SGCZ: variants seen among roughly 807,000 people sequenced by gnomAD.
The protein encoded by SGCZ is sarcoglycan zeta.
SGCZ carries 40 observed loss-of-function variants against 41.3 expected under a neutral mutation model. That is an observed-to-expected ratio of 0.97 (90% CI 0.75 to 1.26). The LOEUF (loss-of-function observed/expected upper bound fraction) is 1.26, where lower values mean the gene tolerates loss of function less well. SGCZ is among the 50% of genes most tolerant of loss of function. The pLI, the probability that SGCZ is intolerant of heterozygous loss-of-function variation, is 0.00. For synonymous variants in SGCZ, 206 were observed against 137.5 expected (o/e 1.50, Z -3.49); for missense variants, 552 against 369.8 (o/e 1.49, Z -4.04).
intron 1 of SGCZ, among the ~76,000 whole-genome samples, chr8:15,191,439 TTAGGAATGTTAAA>T (rs1274647494): frequency 1.3e-5 from 2 of 152,190 alleles, no homozygotes; most frequent in African/African-American, 4.8e-5. Flanking sequence ...AACTATAAAC[TTAGGAATGTTAAA>T]TAGTATTTAA....
Position 14,554,766 on chromosome 8 carries a change from G to T in SGCZ, c.200C>A (p.Thr67Lys). 1 of 1,612,798 alleles carries T rather than the reference G, an allele frequency of 6.2e-7. No individual in the cohort carries two copies. The highest frequency in any genetic ancestry group is 2.2e-5 in the East Asian group (1 of 44,792). ...ATTCATAACTTTCAATATCCATATT[G>T]TCATGGCTAAGTTAACTATCATGGT... ...LVTMIVNLAMTIWILKVMNFT... is the reference protein window; with the variant it reads ...LVTMIVNLAMKIWILKVMNFT... Residue 67 changes from threonine (T) to lysine (K), a missense_variant, in exon 2 of 8, where the codon ACA becomes AAA. By Grantham distance (78) the Thr-to-Lys change is moderately conservative (BLOSUM62 -1). Transcript: ENST00000382080.
intron 1 of SGCZ, among the ~76,000 whole-genome samples, chr8:15,018,476 T>G (rs1369659210): frequency 2.0e-5 from 3 of 152,158 alleles, no homozygotes; most frequent in Non-Finnish European, 4.4e-5. Flanking sequence ...GAGGAGGTGA[T>G]ATTTAAGCTG....
At chr8:14,219,234 T>C (rs1328393019) in intron 4 of SGCZ, among the ~76,000 whole-genome samples, 7 of 152,158 alleles carry the variant, frequency 4.6e-5, no homozygotes, top group African/African-American at 1.7e-4. Flanking sequence ...AGCCAAACTC[T>C]CACCACAAAA....
rs117086788 is a variant in SGCZ, at chr8:14,617,717, T to C, written c.40-62791A>G. On this transcript the variant is annotated intron_variant, in intron 1 of 7. Transcript: ENST00000382080. ...AGAGTAGTATTTAGCTAGACTGAAA[T>C]GCAAAGAGATAGGAAAACAATAGAC... 1.8e-4 allele frequency among the ~76,000 whole-genome samples: 27 copies of C among 152,128 alleles called. No homozygotes were observed. The East Asian group carries it at 4.6e-3, about 26-fold the overall frequency.
intron 3 of SGCZ, among the ~76,000 whole-genome samples, chr8:14,273,097 T>C (rs993754465): frequency 6.6e-6 from 1 of 152,078 alleles, no homozygotes; most frequent in Non-Finnish European, 1.5e-5. Context: ...TGAAATATTT[T>C]GATCACCTAA....
Position 14,387,600 on chromosome 8 carries a change from A to C in SGCZ, c.235-63396T>G, listed in dbSNP as rs1050911119. On this transcript the variant is annotated intron_variant, in intron 2 of 7. Coordinates refer to ENST00000382080, the MANE Select transcript of SGCZ (RefSeq NM_139167.4). ...AATATTAAGACAATAAAGATGTGAT[A>C]TTTTGCTTTATTTTAAATGAATATT... Among the ~76,000 whole-genome samples the C allele has an allele frequency of 3.9e-5, 6 of 152,202 alleles. No individual in the cohort carries two copies. The East Asian group carries it at 1.2e-3, about 29-fold the overall frequency.
chr8:14,119,827 T>C (rs1016889640), intron 5 of SGCZ, among the ~76,000 whole-genome samples: 2 of 152,138 alleles, frequency 1.3e-5, no homozygotes, highest in Non-Finnish European at 2.9e-5. Flanking sequence ...AATCGTGTGG[T>C]TTTTGTGATT....
chr8:14,577,825 T>C (rs1804761721), intron 1 of SGCZ, among the ~76,000 whole-genome samples: 1 of 152,244 alleles, frequency 6.6e-6, no homozygotes, highest in Non-Finnish European at 1.5e-5. Context: ...TCAGGCCATG[T>C]CTTAATGATT....
intron 1 of SGCZ, among the ~76,000 whole-genome samples, chr8:15,109,517 C>A (rs1224920231): frequency 6.6e-6 from 1 of 151,996 alleles, no homozygotes; most frequent in East Asian, 1.9e-4. Flanking sequence ...TGCAATGAGT[C>A]ACAGAAGATT....
intron 2 of SGCZ, among the ~76,000 whole-genome samples, chr8:14,439,872 C>T (rs1280470282): frequency 1.3e-5 from 2 of 151,886 alleles, no homozygotes; most frequent in Non-Finnish European, 2.9e-5. Flanking sequence ...ATAATTCAGT[C>T]ACATTTTCAC....
chr8:15,062,176 T>C, intron 1 of SGCZ, among the ~76,000 whole-genome samples: 1 of 152,138 alleles, frequency 6.6e-6, no homozygotes, highest in East Asian at 1.9e-4. Context: ...AGAACTACTC[T>C]CACTTTAAAA....
At chr8:14,902,090 A>G (rs922222500) in intron 1 of SGCZ, among the ~76,000 whole-genome samples, 1 of 152,084 alleles carries the variant, frequency 6.6e-6, no homozygotes, top group Non-Finnish European at 1.5e-5. Flanking sequence ...AAATGCCTAC[A>G]CTCAAATTTG....
intron 1 of SGCZ, among the ~76,000 whole-genome samples, chr8:14,944,331 T>C (rs558553638): frequency 2.0e-5 from 3 of 152,204 alleles, no homozygotes; most frequent in African/African-American, 7.2e-5. Context: ...CTTTGTTGAA[T>C]ATTTTTGAAT....
At chr8:15,120,434 A>C (rs1807436992) in intron 1 of SGCZ, among the ~76,000 whole-genome samples, 1 of 152,204 alleles carries the variant, frequency 6.6e-6, no homozygotes, top group Admixed American at 6.5e-5. Context: ...TATTTCAACT[A>C]GATTTATTGG....
At chr8:14,885,277 G>A (rs1804746260) in intron 1 of SGCZ, among the ~76,000 whole-genome samples, 1 of 152,038 alleles carries the variant, frequency 6.6e-6, no homozygotes, top group South Asian at 2.1e-4. Flanking sequence ...CCAGCACAGT[G>A]GATGATTCAT....
chr8:15,155,110 G>A (rs1799291800), intron 1 of SGCZ, among the ~76,000 whole-genome samples: 1 of 151,968 alleles, frequency 6.6e-6, no homozygotes, highest in South Asian at 2.1e-4. Flanking sequence ...TGGGAAACAT[G>A]GTGAAACATG....
At chr8:15,105,419 C>G (rs77343830) in intron 1 of SGCZ, among the ~76,000 whole-genome samples, 3,178 of 152,134 alleles carry the variant, frequency 0.021, 74 homozygotes, top group East Asian at 0.11. Context: ...AGAAGCATGG[C>G]TAGGGTGCCT....
chr8:14,102,528 G>C lies in SGCZ; in HGVS notation c.621-29C>G, dbSNP rs1802065583. 3 of 1,352,280 alleles carry C rather than the reference G, an allele frequency of 2.2e-6. No individual in the cohort carries two copies. The African/African-American group carries it at 4.5e-5, about 20-fold the overall frequency. 83.8% of individuals were successfully genotyped at this position (1,352,280 alleles called of 1,614,324 possible). A position where few individuals can be genotyped will look rare whatever the true frequency, so the allele number is the denominator to read the frequency against. On this transcript the variant is annotated intron_variant, in intron 6 of 7. Transcript: ENST00000382080. Reference sequence around the variant, plus strand: ...AGGGAAAAACAAAAAATCATTAATAGGAAAAAAAAACACAAAAAAATCATT... The same window carrying C: ...AGGGAAAAACAAAAAATCATTAATACGAAAAAAAAACACAAAAAAATCATT...
chr8:14,268,926 A>C (rs1339647394), intron 3 of SGCZ, among the ~76,000 whole-genome samples: 1 of 151,900 alleles, frequency 6.6e-6, no homozygotes. Flanking sequence ...ACATATTTTT[A>C]TTTCAAATTA....
Sources: gnomAD v4.1 joint callset for allele counts (sites outside exome capture counted in the v4.1 genomes callset) on GRCh38, gnomAD v4.1.1 for gene constraint, MANE v1.5 for transcripts, NCBI Gene and HGNC (gene_info 2026-07-23, HGNC 2026-07-21) for gene names.